ZNF407: variants seen among roughly 807,000 people sequenced by gnomAD.
ZNF407 encodes the protein zinc finger protein 407.
In ZNF407, 17 loss-of-function variants were observed where a neutral mutation model predicts 131.2. That is an observed-to-expected ratio of 0.13 (90% CI 0.09 to 0.19). ZNF407 has a LOEUF of 0.19. ZNF407 is among the 10% of genes least tolerant of loss of function. The pLI, the probability that ZNF407 is intolerant of heterozygous loss-of-function variation, is 1.00. For missense variants in ZNF407, 2,681 were observed against 2,830.6 expected, an observed-to-expected ratio of 0.95 and a Z score of 1.20; for synonymous variants, 1,156 against 1,062.0, an observed-to-expected ratio of 1.09 and a Z score of -1.72.
At chr18:74,912,883 G>A (rs1053823506) in intron 7 of ZNF407, among the ~76,000 whole-genome samples, 1 of 152,146 alleles carries the variant, frequency 6.6e-6, no homozygotes, top group African/African-American at 2.4e-5. Context: ...GAAAAAAAGA[G>A]CAAAAATCTG....
rs1195157692 is a variant in ZNF407 at position 74,631,149 on chromosome 18, C to T, written c.130C>T (p.Pro44Ser). 5 of 1,613,784 alleles carry T rather than the reference C, an allele frequency of 3.1e-6. No individual in the cohort carries two copies. In the African/African-American group the frequency reaches 6.7e-5, roughly 22 times the overall value. Reference protein sequence around the residue: ...GPVSDVIASFPENSMGKRGFS... With the variant: ...GPVSDVIASFSENSMGKRGFS... ...TGTATCTGATGTGATAGCAAGTTTC[C>T]CTGAGAATTCTATGGGCAAAAGAGG... Residue 44 changes from proline to serine, a missense_variant, in exon 2 of 9, where the codon CCT becomes TCT. Around this residue, in one of 6 missense-constraint regions of ZNF407, gnomAD observed 1,789 missense variants for 1,748.7 expected, o/e 1.02. Transcript: ENST00000299687.
chr18:74,961,018 C>G (rs1011198196), intron 8 of ZNF407, among the ~76,000 whole-genome samples: 1 of 147,710 alleles, frequency 6.8e-6, no homozygotes, highest in Non-Finnish European at 1.5e-5. Flanking sequence ...TGAGTGAGGA[C>G]TGGGTGGAGG....
intron 4 of ZNF407, chr18:74,804,064 T>G: frequency 6.4e-7 from 1 of 1,551,518 alleles, no homozygotes; most frequent in Non-Finnish European, 8.7e-7. Context: ...TGAGCACTTT[T>G]CATAACTGAT....
chr18:74,654,568 G>A (rs1201634910), intron 3 of ZNF407, among the ~76,000 whole-genome samples: 1 of 151,806 alleles, frequency 6.6e-6, no homozygotes, highest in Non-Finnish European at 1.5e-5. Flanking sequence ...TTAAGAATGT[G>A]AGACTTTGGA....
intron 3 of ZNF407, among the ~76,000 whole-genome samples, chr18:74,746,930 T>C (rs1426234358): frequency 6.6e-6 from 1 of 152,182 alleles, no homozygotes; most frequent in Non-Finnish European, 1.5e-5. Flanking sequence ...GATATACCTT[T>C]ATATGTTTGA....
chr18:75,048,495 G>C lies in ZNF407; in HGVS notation c.5429-14655G>C, dbSNP rs1333601497. 6.6e-6 allele frequency among the ~76,000 whole-genome samples: 1 copy of C among 151,982 alleles called. No homozygotes were observed. The highest frequency in any genetic ancestry group is 2.4e-5 in the African/African-American group (1 of 41,344). On this transcript the variant is annotated intron_variant, in intron 8 of 8. Coordinates refer to ENST00000299687, the MANE Select transcript of ZNF407 (RefSeq NM_017757.3). This position sits in a 1 kb window ranked among gnomAD's most constrained non-coding sequence, Gnocchi z 4.1. Reference sequence around the variant, plus strand: ...GGTGACTTCAACCCTCAGGTGTTTGGGACTACCACCTGTATTCTCATCATA... The same window carrying C: ...GGTGACTTCAACCCTCAGGTGTTTGCGACTACCACCTGTATTCTCATCATA...
In ZNF407 at chr18:74,710,746, A is replaced by G. The variant is rs559321406; in HGVS notation, c.4802+69624A>G. 2.5e-4 allele frequency among the ~76,000 whole-genome samples: 38 copies of G among 152,302 alleles called. 1 individual carries two copies. The highest frequency in any genetic ancestry group is 8.7e-4 in the African/African-American group (36 of 41,562). On this transcript the variant is annotated intron_variant, in intron 3 of 8. Transcript: ENST00000299687. ...CAGTAAAGGGCTGCAAGTTTTAGTA[A>G]TTTCTTCTTAGTATCTAATACATGT...
intron 4 of ZNF407, among the ~76,000 whole-genome samples, chr18:74,822,739 G>A (rs1970358096): frequency 6.6e-6 from 1 of 152,114 alleles, no homozygotes; most frequent in Admixed American, 6.5e-5. Flanking sequence ...GATTGTCTTG[G>A]CTATGTGGGC....
At chr18:74,670,236 C>T (rs984056881) in intron 3 of ZNF407, among the ~76,000 whole-genome samples, 9 of 152,136 alleles carry the variant, frequency 5.9e-5, no homozygotes, top group African/African-American at 2.2e-4. Context: ...TTTATAACCC[C>T]CAGTTAAGAC....
intron 8 of ZNF407, among the ~76,000 whole-genome samples, chr18:74,979,489 G>C (rs528808340): frequency 6.6e-6 from 1 of 152,024 alleles, no homozygotes; most frequent in South Asian, 2.1e-4. Flanking sequence ...ACGGGGTTTC[G>C]CCATGTTGGC....
intron 3 of ZNF407, among the ~76,000 whole-genome samples, chr18:74,700,813 G>A (rs1967474895): frequency 6.6e-6 from 1 of 152,098 alleles, no homozygotes; most frequent in South Asian, 2.1e-4. Context: ...TTTGCTTCTG[G>A]AACCTGTTCT....
chr18:74,935,656 G>A (rs1421203445), intron 8 of ZNF407, among the ~76,000 whole-genome samples: 2 of 152,168 alleles, frequency 1.3e-5, no homozygotes, highest in Admixed American at 1.3e-4. Context: ...TTGCATGAAG[G>A]CAAGGGGGAG....
At chr18:74,702,278 C>T (rs1206811206) in intron 3 of ZNF407, among the ~76,000 whole-genome samples, 3 of 152,118 alleles carry the variant, frequency 2.0e-5, no homozygotes, top group South Asian at 4.1e-4. Flanking sequence ...TTTATTCATG[C>T]ACGGGTCAGT....
At chr18:74,967,202 G>C (rs1010920306) in intron 8 of ZNF407, among the ~76,000 whole-genome samples, 9 of 152,124 alleles carry the variant, frequency 5.9e-5, no homozygotes, top group African/African-American at 1.2e-4. Flanking sequence ...TGCAGTAATT[G>C]TGCTGCTGCA....
chr18:74,784,546 A>G (rs898490553), intron 4 of ZNF407, among the ~76,000 whole-genome samples: 2 of 152,220 alleles, frequency 1.3e-5, no homozygotes, highest in Admixed American at 1.3e-4. Context: ...GGCTTGTGTA[A>G]GATTATACTT....
At chr18:74,638,859 C>G (rs1984581660) in intron 2 of ZNF407, among the ~76,000 whole-genome samples, 1 of 151,978 alleles carries the variant, frequency 6.6e-6, no homozygotes, top group Non-Finnish European at 1.5e-5. Flanking sequence ...TCGGAAAGTA[C>G]ATAGCAAACT....
chr18:75,015,835 A>C (rs1973037670), intron 8 of ZNF407, among the ~76,000 whole-genome samples: 1 of 151,950 alleles, frequency 6.6e-6, no homozygotes, highest in Admixed American at 6.6e-5. Flanking sequence ...GTAATGTGAC[A>C]GGCTTTACAG....
intron 8 of ZNF407, among the ~76,000 whole-genome samples, chr18:74,925,404 T>C (rs1971900491): frequency 6.6e-6 from 1 of 152,228 alleles, no homozygotes; most frequent in South Asian, 2.1e-4. Context: ...TTGACTCTTA[T>C]CAAAACCCCA....
In ZNF407 at chr18:74,706,940, CTTTTTTTTTTTTTTT is replaced by C. The variant is rs34700805; in HGVS notation, c.4802+65831_4802+65845del. 9.8e-4 allele frequency among the ~76,000 whole-genome samples: 129 copies of C among 132,296 alleles called. 1 individual carries two copies. Among genetic ancestry groups the C allele is most frequent in the Non-Finnish European group, 1.1e-3 (70 of 62,554 alleles). The allele number at this position is 132,296 out of a possible 152,430, so 86.8% of individuals were successfully genotyped here. ...CATTCCACAGGGGCAAAGACAGCAG[CTTTTTTTTTTTTTTT>C]TTTTTTTTTTTTGAGATGGAGTCTC... On this transcript the variant is annotated intron_variant, in intron 3 of 8. Transcript: ENST00000299687.
Sources: gnomAD v4.1 joint callset for allele counts (sites outside exome capture counted in the v4.1 genomes callset) on GRCh38, gnomAD v4.1.1 for gene constraint, gnomAD v4.1.1 regional missense constraint, Gnocchi (gnomAD v3.1) non-coding constraint, MANE v1.5 for transcripts, NCBI Gene and HGNC (gene_info 2026-07-23, HGNC 2026-07-21) for gene names.